Variants in GABRA4 observed in about 807,000 individuals in gnomAD.
The protein encoded by GABRA4 is gamma-aminobutyric acid receptor subunit alpha-4.
A neutral mutation model predicts 49.7 loss-of-function variants in GABRA4; 12 were observed. The ratio of observed to expected loss-of-function variants is 0.24; its 90% confidence interval spans 0.15 to 0.39. The LOEUF is 0.39. Among genes scored for constraint, GABRA4 ranks in the 10% least tolerant of loss-of-function variants. The probability of loss-of-function intolerance (pLI) is 1.00; values close to 1 mark genes in which losing one functional copy is unlikely to be tolerated. For synonymous variants in GABRA4, 288 were observed against 240.2 expected (o/e 1.20, Z -1.84); for missense variants, 506 against 686.0 (o/e 0.74, Z 2.93).
chr4:46,967,868 C>T lies in GABRA4; in HGVS notation c.875-2639G>A, dbSNP rs1386085713. On this transcript the variant is annotated intron_variant, in intron 7 of 8. Transcript: ENST00000264318. ...ACAAGAGTGAATTTTTGGCTGGCCACTCCTAGAAAATGAAATAGCAATGAT... is the reference window on the plus strand; with the variant it reads ...ACAAGAGTGAATTTTTGGCTGGCCATTCCTAGAAAATGAAATAGCAATGAT... Among the ~76,000 whole-genome samples the T allele has an allele frequency of 2.4e-4, 37 of 151,592 alleles. 1 individual carries two copies. Among genetic ancestry groups the T allele is most frequent in the Admixed American group, 2.4e-3 (37 of 15,176 alleles).
chr4:46,932,283 A>G (rs530775439), intron 8 of GABRA4, among the ~76,000 whole-genome samples: 11 of 152,260 alleles, frequency 7.2e-5, no homozygotes, highest in Middle Eastern at 3.4e-3. Context: ...AACTTATTCC[A>G]TTACCTCATT....
chr4:46,934,690 G>A (rs1007075266), intron 8 of GABRA4, among the ~76,000 whole-genome samples: 1 of 152,164 alleles, frequency 6.6e-6, no homozygotes, highest in Non-Finnish European at 1.5e-5. Flanking sequence ...TATATATTTA[G>A]AGTTGAGGGT....
chr4:46,931,624 T>C (rs541704318), intron 8 of GABRA4, among the ~76,000 whole-genome samples: 9 of 152,150 alleles, frequency 5.9e-5, no homozygotes, highest in Non-Finnish European at 1.3e-4. Flanking sequence ...GAGTCTATTT[T>C]TCCTAAGCTG....
chr4:46,988,609 C>T (rs112493119), intron 2 of GABRA4, among the ~76,000 whole-genome samples: 4,011 of 152,316 alleles, frequency 0.026, 63 homozygotes, highest in Middle Eastern at 0.082. Context: ...AATATTCCAA[C>T]TTAACCCAAA....
intron 4 of GABRA4, 92 bp downstream of exon 4, chr4:46,977,298 GAGGGAGGAAGGGAGGGAGGA>G (rs750691752): frequency 8.8e-6 from 4 of 453,544 alleles, no homozygotes; most frequent in East Asian, 4.9e-5. Context: ...GGGAGGAAGG[GAGGGAGGAAGGGAGGGAGGA>G]AGGGAGGGAG....
intron 6 of GABRA4, among the ~76,000 whole-genome samples, chr4:46,972,452 G>A (rs1004198418): frequency 6.6e-6 from 1 of 151,388 alleles, no homozygotes; most frequent in Non-Finnish European, 1.5e-5. Flanking sequence ...TTTGAGGTAT[G>A]ATTGACATAC....
Position 46,965,002 on chromosome 4 carries a change from G to C in GABRA4, c.1102C>G (p.Gln368Glu). The change falls in exon 8 of 9, where the codon CAG becomes GAG. Residue 368 changes from glutamine (Q) to glutamate (E), a missense_variant. Physicochemically the swap from Gln to Glu is conservative, Grantham distance 29. Transcript: ENST00000264318. ...GGGGCTTCAGGATGCTTCTCTCTCT[G>C]CACTGGAGCAGCGGGAACTTCCTGA... ...PPQEVPAAPV[Q>E]REKHPEAPLQ... 6.2e-7 allele frequency: 1 copy of C among 1,611,390 alleles called. No homozygotes were observed. Among genetic ancestry groups the C allele is most frequent in the Non-Finnish European group, 8.5e-7 (1 of 1,178,494 alleles).
At chr4:46,992,298 A>G (rs1231627887) in intron 2 of GABRA4, among the ~76,000 whole-genome samples, 3 of 152,256 alleles carry the variant, frequency 2.0e-5, no homozygotes, top group African/African-American at 7.2e-5. Flanking sequence ...AAGGGAAAAA[A>G]GAAAAGCATC....
intron 8 of GABRA4, among the ~76,000 whole-genome samples, chr4:46,930,044 C>A (rs936325787): frequency 1.3e-5 from 2 of 151,982 alleles, no homozygotes; most frequent in Non-Finnish European, 2.9e-5. Flanking sequence ...GTTTAAAGTT[C>A]AATTCATATC....
At chr4:46,972,276 G>A (rs923036497) in intron 6 of GABRA4, among the ~76,000 whole-genome samples, 1 of 151,606 alleles carries the variant, frequency 6.6e-6, no homozygotes, top group African/African-American at 2.4e-5. Flanking sequence ...GAGGAGCAGT[G>A]CCATTGATTT....
chr4:46,956,139 A>T (rs1017704171), intron 8 of GABRA4, among the ~76,000 whole-genome samples: 14 of 152,112 alleles, frequency 9.2e-5, no homozygotes, highest in Non-Finnish European at 1.8e-4. Flanking sequence ...CTCATTGCCT[A>T]AAGAGCATTA....
chr4:46,930,165 A>C (rs535304486), intron 8 of GABRA4, among the ~76,000 whole-genome samples: 6 of 152,218 alleles, frequency 3.9e-5, no homozygotes, highest in Non-Finnish European at 8.8e-5. Flanking sequence ...GTCAGCTTGT[A>C]GTATTCTTCT....
chr4:46,928,617 G>T lies in GABRA4; in HGVS notation c.1273C>A (p.Pro425Thr), dbSNP rs1721322424. ...GGACTGGAAGCTAAGTAAGACCGAG[G>T]TGTGCCTTTAGAAGATTCTTGAACA... is the stretch of plus-strand genomic sequence containing the variant. ...TVVQESSKGT[P>T]RSYLASSPNP... Residue 425 changes from proline (P) to threonine (T), a missense_variant, in exon 9 of 9, where the codon CCT (proline) becomes ACT (threonine). By Grantham distance (38) the Pro-to-Thr change is conservative (BLOSUM62 -1). Transcript: ENST00000264318. 1 of 1,613,652 alleles carries T rather than the reference G, an allele frequency of 6.2e-7. No homozygotes were observed. Among genetic ancestry groups the T allele is most frequent in the South Asian group, 1.1e-5 (1 of 91,088 alleles).
rs1721061914 is a variant in GABRA4, at chr4:46,922,253, A to C, written c.*5972T>G. Reference sequence around the variant, plus strand: ...CACTGTGAACTACATAGGCCGCCCAAATGTCAAAAATAGATATAAAAATAT... The same window carrying C: ...CACTGTGAACTACATAGGCCGCCCACATGTCAAAAATAGATATAAAAATAT... On this transcript the variant is annotated 3_prime_UTR_variant, in exon 9 of 9. Coordinates refer to ENST00000264318, the MANE Select transcript of GABRA4 (RefSeq NM_000809.4). 6.6e-6 allele frequency: 1 copy of C among 152,154 alleles called. No homozygotes were observed. Among genetic ancestry groups the C allele is most frequent in the Admixed American group, 6.6e-5 (1 of 15,266 alleles). 9.4% of individuals were successfully genotyped at this position (152,154 alleles called of 1,614,324 possible). A position where few individuals can be genotyped will look rare whatever the true frequency, so the allele number is the denominator to read the frequency against.
Position 46,993,398 on chromosome 4 carries a change from C to A in GABRA4, c.27G>T (p.Ala9=), listed in dbSNP as rs775415529. The A allele has an allele frequency of 1.2e-6, 2 of 1,614,206 alleles. No homozygotes were observed. Among genetic ancestry groups the A allele is most frequent in the South Asian group, 1.1e-5 (1 of 91,084 alleles). ...AACTGACCCCGGCGGACAGAGCGAT[C>A]GCGGGTACCTTCTTGGCAGAAACCA... The part of the protein sequence containing the change: MVSAKKVP[A]IALSAGVSFA... The change falls in exon 1 of 9, where the codon GCG becomes GCT. Residue 9 remains alanine, a synonymous_variant. Transcript: ENST00000264318.
intron 8 of GABRA4, among the ~76,000 whole-genome samples, chr4:46,945,851 A>T (rs987363414): frequency 6.6e-6 from 1 of 152,164 alleles, no homozygotes; most frequent in South Asian, 2.1e-4. Flanking sequence ...AATCTCCCTC[A>T]AAATCATTCC....
At chr4:46,982,327 G>A (rs769498798) in intron 2 of GABRA4, among the ~76,000 whole-genome samples, 7 of 151,884 alleles carry the variant, frequency 4.6e-5, no homozygotes, top group Non-Finnish European at 7.4e-5. Context: ...TCACTAGGGC[G>A]GGCCCTAATC....
At chr4:46,943,498 T>C (rs908012304) in intron 8 of GABRA4, among the ~76,000 whole-genome samples, 1 of 152,174 alleles carries the variant, frequency 6.6e-6, no homozygotes, top group Non-Finnish European at 1.5e-5. Flanking sequence ...ATAAATGTGA[T>C]CATGTCAATT....
chr4:46,930,654 T>G (rs779123692), intron 8 of GABRA4, among the ~76,000 whole-genome samples: 1 of 151,142 alleles, frequency 6.6e-6, no homozygotes, highest in Non-Finnish European at 1.5e-5. Flanking sequence ...TCAAATATAA[T>G]ATGATAGTTG....
Sources: allele counts gnomAD v4.1 joint callset (sites outside exome capture counted in the v4.1 genomes callset), GRCh38; gene constraint gnomAD v4.1.1; transcripts MANE v1.5; gene names NCBI Gene and HGNC (gene_info 2026-07-23, HGNC 2026-07-21).